PTCH1: variants seen among roughly 807,000 people sequenced by gnomAD.
PTCH1 encodes the protein patched 1, also known as protein patched homolog 1.
A neutral mutation model predicts 144.6 loss-of-function variants in PTCH1; 14 were observed. The ratio of observed to expected loss-of-function variants is 0.10; its 90% confidence interval spans 0.06 to 0.15. The LOEUF (loss-of-function observed/expected upper bound fraction) is 0.15, where lower values mean the gene tolerates loss of function less well. Ranked by LOEUF, PTCH1 falls within the 10% of genes least tolerant of loss-of-function variation. The pLI, the probability that PTCH1 is intolerant of heterozygous loss-of-function variation, is 1.00. For synonymous variants in PTCH1, 833 were observed against 793.6 expected, an observed-to-expected ratio of 1.05 and a Z score of -0.83; for missense variants, 1,623 against 1,948.3, an observed-to-expected ratio of 0.83 and a Z score of 3.14.
At chr9:95,492,735 T>A (rs941038818) in intron 2 of PTCH1, among the ~76,000 whole-genome samples, 5 of 151,882 alleles carry the variant, frequency 3.3e-5, no homozygotes, top group Non-Finnish European at 7.4e-5. Flanking sequence ...AATTTTAGAA[T>A]GCGTGAAATA....
chr9:95,516,851 T>G, exon 1 of PTCH1: 2 of 1,561,180 alleles, frequency 1.3e-6, no homozygotes, highest in Non-Finnish European at 1.7e-6. Flanking sequence ...TGCCGCGCCA[T>G]AGGCAGGACC....
Position 95,448,233 on chromosome 9 carries a change from C to T in PTCH1, c.3805-782G>A, listed in dbSNP as rs1178617776. 5.3e-5 allele frequency among the ~76,000 whole-genome samples: 8 copies of T among 152,336 alleles called. 1 individual carries two copies. Among genetic ancestry groups the T allele is most frequent in the African/African-American group, 1.2e-4 (5 of 41,576 alleles). On this transcript the variant is annotated intron_variant, in intron 22 of 23. Coordinates refer to ENST00000331920, the MANE Select transcript of PTCH1 (RefSeq NM_000264.5). Reference sequence around the variant, plus strand: ...CACACTGCAGCTCAGCGGGCGTCGTCGCGGGGGGTAGGAGGAGGACAATTC... The same window carrying T: ...CACACTGCAGCTCAGCGGGCGTCGTTGCGGGGGGTAGGAGGAGGACAATTC...
At chr9:95,510,861 G>T (rs1379717624), upstream of PTCH1, among the ~76,000 whole-genome samples, 1 of 151,124 alleles carries the variant, frequency 6.6e-6, no homozygotes, top group Admixed American at 6.6e-5. Flanking sequence ...GCGCGCGCGC[G>T]CCCGGCTCCC....
chr9:95,464,559 T>A (rs1024579088), intron 15 of PTCH1, among the ~76,000 whole-genome samples: 12 of 152,162 alleles, frequency 7.9e-5, no homozygotes, highest in African/African-American at 2.9e-4. Context: ...CATAATCCAG[T>A]GTGAAATAAA....
intron 14 of PTCH1, 134 bp from the exon 15 acceptor site, chr9:95,467,559 C>A: frequency 1.2e-6 from 1 of 865,226 alleles, no homozygotes; most frequent in Non-Finnish European, 1.8e-6. Context: ...GGTTGTTCTC[C>A]CATAGGAAAA....
chr9:95,446,396 A>T lies in PTCH1; in HGVS notation c.*2-5T>A, dbSNP rs780500071. ...TTGCTTCAGATTTTAATCACCCTTT[A>T]AAAGGAAGCAAAAAAGGAAGTTGAA... On this transcript the variant is annotated splice_region_variant and splice_polypyrimidine_tract_variant and intron_variant, in intron 23 of 23. Transcript: ENST00000331920. 7.3e-5 allele frequency: 38 copies of T among 518,612 alleles called. No individual in the cohort carries two copies. Among genetic ancestry groups the T allele is most frequent in the Non-Finnish European group, 6.9e-5 (18 of 259,886 alleles). 32.1% of individuals were successfully genotyped at this position (518,612 alleles called of 1,614,324 possible). A position where few individuals can be genotyped will look rare whatever the true frequency, so the allele number is the denominator to read the frequency against.
intron 12 of PTCH1, among the ~76,000 whole-genome samples, chr9:95,472,628 C>A (rs1166668820): frequency 6.6e-6 from 1 of 152,156 alleles, no homozygotes; most frequent in African/African-American, 2.4e-5. Context: ...GTTCGTGACA[C>A]AGGGAGCCCC....
At chr9:95,471,232 C>G (rs1779577253) in intron 12 of PTCH1, among the ~76,000 whole-genome samples, 1 of 152,208 alleles carries the variant, frequency 6.6e-6, no homozygotes, top group South Asian at 2.1e-4. Context: ...CCAGGGAGAA[C>G]TTCCACAAAG....
At chr9:95,515,854 T>A (rs1232337012) in intron 1 of PTCH1, among the ~76,000 whole-genome samples, 1 of 152,126 alleles carries the variant, frequency 6.6e-6, no homozygotes, top group Non-Finnish European at 1.5e-5. Flanking sequence ...GTGCGTCTCT[T>A]CTAGCCCGGG....
At chr9:95,463,407 C>T (rs1839713589) in intron 15 of PTCH1, among the ~76,000 whole-genome samples, 1 of 151,998 alleles carries the variant, frequency 6.6e-6, no homozygotes, top group Non-Finnish European at 1.5e-5. Flanking sequence ...GGGCCGTGCA[C>T]CTCTCAGACA....
At chr9:95,495,936 G>T (rs188666879) in intron 2 of PTCH1, among the ~76,000 whole-genome samples, 57 of 152,288 alleles carry the variant, frequency 3.7e-4, no homozygotes, top group African/African-American at 1.3e-3. Flanking sequence ...ATTTCTGCAA[G>T]TGTGTGTGAG....
exon 1 of PTCH1, chr9:95,516,696 C>T: frequency 6.2e-7 from 1 of 1,613,328 alleles, no homozygotes; most frequent in Admixed American, 1.7e-5. Context: ...TTCTTCTCCT[C>T]CTCCTCCGTC....
chr9:95,498,738 A>T (rs1364958199), intron 2 of PTCH1, among the ~76,000 whole-genome samples: 1 of 152,248 alleles, frequency 6.6e-6, no homozygotes. Context: ...AGAAGTGTTT[A>T]TATTTTGATG....
At chr9:95,446,522 T>C in intron 23 of PTCH1, 131 bp from the exon 24 acceptor site, 8 of 460,704 alleles carry the variant, frequency 1.7e-5, no homozygotes, top group South Asian at 1.3e-4. Context: ...GCCTGAGGTG[T>C]CCCTGGGGGC....
intron 2 of PTCH1, chr9:95,495,360 G>T (rs932330950): frequency 6.6e-6 from 1 of 151,886 alleles, no homozygotes; most frequent in Non-Finnish European, 1.5e-5. Flanking sequence ...ATAAATTCCC[G>T]CATCATGCAT....
At chr9:95,512,843 T>A (rs1844219328), upstream of PTCH1, among the ~76,000 whole-genome samples, 1 of 152,206 alleles carries the variant, frequency 6.6e-6, no homozygotes, top group African/African-American at 2.4e-5. Flanking sequence ...AAGTGAGAAC[T>A]TGGGGCCTTA....
Position 95,469,097 on chromosome 9 carries a change from T to A in PTCH1, c.1904A>T (p.Asp635Val), listed in dbSNP as rs200321717. 6.2e-7 allele frequency: 1 copy of A among 1,613,942 alleles called. No homozygotes were observed. Among genetic ancestry groups the A allele is most frequent in the African/African-American group, 1.3e-5 (1 of 74,988 alleles). ...AGGTGGGGGGCTGTAGCGGGTATTG[T>A]CGTGTGTGTCGGTGTAGGCCTGAGG... Reference protein sequence around the residue: ...VEPQAYTDTHDNTRYSPPPPY... With the variant: ...VEPQAYTDTHVNTRYSPPPPY... Residue 635 changes from aspartate to valine, a missense_variant, in exon 14 of 24, where the codon GAC becomes GTC. Coordinates refer to ENST00000331920, the MANE Select transcript of PTCH1 (RefSeq NM_000264.5).
In PTCH1 at chr9:95,458,331, G is replaced by T; in HGVS notation, c.2888-38C>A. ...GGGCACAGGTTAGGAGCAGCCCAGG[G>T]TAGAAGAGCATCACAGTTTCAATGG... On this transcript the variant is annotated intron_variant, in intron 17 of 23. Coordinates refer to ENST00000331920, the MANE Select transcript of PTCH1 (RefSeq NM_000264.5). The surrounding 1 kb of genome is among the most constrained non-coding windows in gnomAD (Gnocchi z 4.7). 1 of 1,606,026 alleles carries T rather than the reference G, an allele frequency of 6.2e-7. No homozygotes were observed. The highest frequency in any genetic ancestry group is 8.5e-7 in the Non-Finnish European group (1 of 1,176,186).
At chr9:95,495,593 T>G (rs969209136) in intron 2 of PTCH1, among the ~76,000 whole-genome samples, 5 of 151,766 alleles carry the variant, frequency 3.3e-5, no homozygotes, top group Non-Finnish European at 7.4e-5. Flanking sequence ...TTGGGAAGAG[T>G]TGCACTGCTG....
Sources: gnomAD v4.1 joint callset for allele counts (sites outside exome capture counted in the v4.1 genomes callset) on GRCh38, gnomAD v4.1.1 for gene constraint, Gnocchi (gnomAD v3.1) non-coding constraint, MANE v1.5 for transcripts, NCBI Gene and HGNC (gene_info 2026-07-23, HGNC 2026-07-21) for gene names.